The following TUSC3 variants were observed in gnomAD, a reference collection of about 807,000 sequenced individuals.
The protein encoded by TUSC3 is dolichyl-diphosphooligosaccharide--protein glycosyltransferase subunit TUSC3.
In TUSC3, 45 loss-of-function variants were observed where a neutral mutation model predicts 44.8. The observed-to-expected ratio is 1.00, with a 90% CI of 0.79 to 1.29. TUSC3 has a LOEUF of 1.29. TUSC3 is among the 50% of genes most tolerant of loss of function. The pLI is 0.00. For missense variants in TUSC3, 519 were observed against 437.9 expected (o/e 1.19, Z -1.65); for synonymous variants, 212 against 152.9 (o/e 1.39, Z -2.85).
At chr8:15,665,946 T>C (rs992669290) in intron 5 of TUSC3, among the ~76,000 whole-genome samples, 11 of 151,414 alleles carry the variant, frequency 7.3e-5, no homozygotes, top group African/African-American at 2.7e-4. Flanking sequence ...CTGTCTTCCC[T>C]CACCCCCTAA....
chr8:15,421,036 T>C (rs771921785), intron 1 of TUSC3, among the ~76,000 whole-genome samples: 4 of 152,316 alleles, frequency 2.6e-5, no homozygotes, highest in East Asian at 1.9e-4. Context: ...TCTGCACTTA[T>C]ATATCCAACT....
chr8:15,572,874 G>A (rs1802929331), intron 1 of TUSC3, among the ~76,000 whole-genome samples: 2 of 152,046 alleles, frequency 1.3e-5, no homozygotes, highest in Admixed American at 6.6e-5. Flanking sequence ...GGCACCATTT[G>A]TGGTGCCCCA....
At chr8:15,622,932 T>C (rs1392269343) in intron 1 of TUSC3, 148 bp from the exon 2 acceptor site, 3 of 829,032 alleles carry the variant, frequency 3.6e-6, no homozygotes, top group Non-Finnish European at 5.5e-6. Context: ...TTTCTATCTT[T>C]CTAGGAGCAG....
At chr8:15,601,425 G>A (rs1563127682) in intron 1 of TUSC3, among the ~76,000 whole-genome samples, 1 of 151,594 alleles carries the variant, frequency 6.6e-6, no homozygotes, top group Non-Finnish European at 1.5e-5. Context: ...CACTGAACAA[G>A]AAATAATTTA....
chr8:15,463,794 C>G (rs966868557), intron 1 of TUSC3, among the ~76,000 whole-genome samples: 21 of 152,196 alleles, frequency 1.4e-4, no homozygotes, highest in Admixed American at 1.4e-3. Flanking sequence ...GATGATTACA[C>G]TACTATAGCC....
chr8:15,552,919 T>C (rs1165586379), intron 1 of TUSC3, among the ~76,000 whole-genome samples: 1 of 151,552 alleles, frequency 6.6e-6, no homozygotes, highest in Non-Finnish European at 1.5e-5. Flanking sequence ...TTGAAATTAG[T>C]TGTGGCAGTG....
chr8:15,797,900 C>G, the TUSC3 span, among the ~76,000 whole-genome samples: 2 of 152,072 alleles, frequency 1.3e-5, no homozygotes, highest in Non-Finnish European at 1.5e-5. Context: ...AAATCCAGTC[C>G]TGTTAGGTTT....
At chr8:15,477,999 C>A (rs1800604730) in intron 1 of TUSC3, among the ~76,000 whole-genome samples, 1 of 151,930 alleles carries the variant, frequency 6.6e-6, no homozygotes, top group South Asian at 2.1e-4. Flanking sequence ...GTTCTGTTGC[C>A]CAGGCTAGAG....
At chr8:15,450,645 G>A (rs866097877) in intron 1 of TUSC3, among the ~76,000 whole-genome samples, 1 of 152,220 alleles carries the variant, frequency 6.6e-6, no homozygotes. Context: ...ATTCCAGTCT[G>A]GGAGACAGAG....
the TUSC3 span, among the ~76,000 whole-genome samples, chr8:15,817,201 C>T: frequency 0.15 from 23,429 of 152,088 alleles, 2,142 homozygotes; most frequent in East Asian, 0.33. Context: ...TTTGAAAGCA[C>T]AACGTAGTGA....
At chr8:15,447,078 G>A (rs912275850) in intron 1 of TUSC3, among the ~76,000 whole-genome samples, 4 of 151,828 alleles carry the variant, frequency 2.6e-5, no homozygotes, top group African/African-American at 9.7e-5. Context: ...ATAAGATAAT[G>A]AGAAAAGATG....
the TUSC3 span, among the ~76,000 whole-genome samples, chr8:15,803,398 A>T: frequency 6.6e-6 from 1 of 152,202 alleles, no homozygotes; most frequent in African/African-American, 2.4e-5. Flanking sequence ...ATGCGCTATA[A>T]TTTCTGAAAT....
At chr8:15,420,740 A>G (rs1799728808) in intron 1 of TUSC3, among the ~76,000 whole-genome samples, 1 of 152,102 alleles carries the variant, frequency 6.6e-6, no homozygotes, top group Non-Finnish European at 1.5e-5. Context: ...TTGTAACGGC[A>G]CAGTTTCACA....
chr8:15,498,629 A>G (rs756722615), intron 2 of TUSC3, among the ~76,000 whole-genome samples: 16 of 152,046 alleles, frequency 1.1e-4, no homozygotes, highest in Middle Eastern at 3.4e-3. Context: ...GAAATAACCT[A>G]TGTTTTAGAT....
At chr8:15,772,016 G>C in the TUSC3 span, among the ~76,000 whole-genome samples, 2 of 152,222 alleles carry the variant, frequency 1.3e-5, no homozygotes, top group South Asian at 2.1e-4. Flanking sequence ...GTGAACCCAG[G>C]AGGCGGAGCT....
intron 2 of TUSC3, among the ~76,000 whole-genome samples, chr8:15,636,213 T>G (rs1323854476): frequency 1.3e-5 from 2 of 152,126 alleles, no homozygotes; most frequent in Non-Finnish European, 2.9e-5. Flanking sequence ...GGATTTCAAC[T>G]TAGCAGAATC....
the TUSC3 span, among the ~76,000 whole-genome samples, chr8:15,833,717 C>T: frequency 1.3e-5 from 2 of 151,828 alleles, no homozygotes; most frequent in African/African-American, 4.8e-5. Context: ...GAGAAATGAC[C>T]ACAGAAAATA....
At chr8:15,571,126 G>A (rs143376839) in intron 1 of TUSC3, among the ~76,000 whole-genome samples, 2 of 151,366 alleles carry the variant, frequency 1.3e-5, no homozygotes, top group South Asian at 4.2e-4. Flanking sequence ...ACTAGTTTTT[G>A]TATTTTTAGT....
At chr8:15,636,608 G>A (rs1806088772) in intron 2 of TUSC3, among the ~76,000 whole-genome samples, 3 of 152,216 alleles carry the variant, frequency 2.0e-5, no homozygotes, top group Admixed American at 2.0e-4. Flanking sequence ...CATGGAGACT[G>A]TAGTTGGAAG....
Sources: allele counts gnomAD v4.1 joint callset (sites outside exome capture counted in the v4.1 genomes callset), GRCh38; gene constraint gnomAD v4.1.1; transcripts MANE v1.5; gene names NCBI Gene and HGNC (gene_info 2026-07-23, HGNC 2026-07-21).